Variants in GALNT11 observed in about 807,000 individuals in gnomAD.
GALNT11 encodes UDP-GalNAc:polypeptide N-acetylgalactosaminyltransferase 11.
Under a neutral mutation model 72.7 loss-of-function variants are expected in GALNT11, and 47 were observed. The ratio of observed to expected loss-of-function variants is 0.65; its 90% CI spans 0.51 to 0.82. The LOEUF (loss-of-function observed/expected upper bound fraction) is 0.82, where lower values mean the gene tolerates loss of function less well. GALNT11 is among the 40% of genes least tolerant of loss of function. The pLI is 0.00. For synonymous variants in GALNT11, 270 were observed against 286.6 expected, an observed-to-expected ratio of 0.94 and a Z score of 0.58; for missense variants, 677 against 778.4, an observed-to-expected ratio of 0.87 and a Z score of 1.55.
chr7:152,094,631 G>T lies in GALNT11; in HGVS notation c.295+109G>T, dbSNP rs1027656474. ...AATGCTGCATCATTTTTTCCCCACT[G>T]ATTTATTTTGTTTGTGAACTACCTG... On this transcript the variant is annotated intron_variant, in intron 2 of 11. Transcript: ENST00000430044. This position sits in a 1 kb window ranked among gnomAD's most constrained non-coding sequence, Gnocchi z 4.3. 2 of 1,271,442 alleles carry T rather than the reference G, an allele frequency of 1.6e-6. No individual in the cohort carries two copies. The highest frequency in any genetic ancestry group is 3.0e-5 in the African/African-American group (2 of 66,000). The allele number at this position is 1,271,442 out of a possible 1,614,324, so 78.8% of individuals were successfully genotyped here.
At chr7:152,029,772 A>T (rs1353299931) in intron 1 of GALNT11, among the ~76,000 whole-genome samples, 2 of 152,206 alleles carry the variant, frequency 1.3e-5, no homozygotes, top group Non-Finnish European at 2.9e-5. Flanking sequence ...CCCAGGAGGA[A>T]CCATCTATGG....
chr7:152,043,032 A>C (rs972177592), intron 1 of GALNT11, among the ~76,000 whole-genome samples: 1 of 152,160 alleles, frequency 6.6e-6, no homozygotes, highest in Non-Finnish European at 1.5e-5. Context: ...GATTCACCTA[A>C]TAAGCTGCTT....
intron 1 of GALNT11, among the ~76,000 whole-genome samples, chr7:152,074,716 G>A (rs554891849): frequency 6.6e-6 from 1 of 152,188 alleles, no homozygotes; most frequent in Non-Finnish European, 1.5e-5. Flanking sequence ...AGTGGGTCTG[G>A]GTCTCACATA....
At chr7:152,059,493 G>A (rs2083884801) in intron 1 of GALNT11, among the ~76,000 whole-genome samples, 1 of 152,178 alleles carries the variant, frequency 6.6e-6, no homozygotes, top group Non-Finnish European at 1.5e-5. Context: ...ATCACTGTCT[G>A]TGACAGCTAT....
intron 10 of GALNT11, chr7:152,119,830 T>TGTAC (rs1302628852): frequency 1.3e-5 from 2 of 152,126 alleles, no homozygotes; most frequent in African/African-American, 4.8e-5. Flanking sequence ...AAGCAAAGAT[T>TGTAC]GTACCACTGC....
chr7:152,108,415 A>C (rs1194641761), intron 6 of GALNT11, 128 bp downstream of exon 6: 1 of 1,384,412 alleles, frequency 7.2e-7, no homozygotes, highest in African/African-American at 1.4e-5. Context: ...TACGTTAAAA[A>C]TTCTTGAGTA....
chr7:152,029,467 G>A (rs1563036276), intron 1 of GALNT11, among the ~76,000 whole-genome samples: 1 of 152,160 alleles, frequency 6.6e-6, no homozygotes, highest in Non-Finnish European at 1.5e-5. Flanking sequence ...AAGATTAGAA[G>A]TTAGAATAAT....
Position 152,117,346 on chromosome 7 carries a change from A to G in GALNT11, c.1423A>G (p.Lys475Glu), listed in dbSNP as rs1230128447. ...QQPIFVNRGP[K>E]RPKVLQRGRL... ...ACCCATTTTTGTCAATAGAGGGCCA[A>G]AACGACCCAAAGTCCTTCAACGTGG... Residue 475 changes from lysine (K) to glutamate (E), a missense_variant, in exon 9 of 12, where the codon AAA becomes GAA. By Grantham distance (56) the Lys-to-Glu change is moderately conservative. Coordinates refer to ENST00000430044, the MANE Select transcript of GALNT11 (RefSeq NM_022087.4). The G allele has an allele frequency of 4.3e-6, 7 of 1,614,174 alleles. No individual in the cohort carries two copies. The South Asian group carries it at 7.7e-5, about 18-fold the overall frequency.
At chr7:152,080,829 G>A (rs559704062) in intron 1 of GALNT11, among the ~76,000 whole-genome samples, 1 of 152,052 alleles carries the variant, frequency 6.6e-6, no homozygotes, top group East Asian at 1.9e-4. Context: ...TATTAGCCGG[G>A]CCTGGTGGCG....
chr7:152,047,809 C>T (rs2083214012), intron 1 of GALNT11, among the ~76,000 whole-genome samples: 1 of 151,760 alleles, frequency 6.6e-6, no homozygotes, highest in African/African-American at 2.4e-5. Context: ...AACTCCATTC[C>T]CTGCTTTTAA....
chr7:152,029,899 A>G (rs959334812), intron 1 of GALNT11, among the ~76,000 whole-genome samples: 10 of 152,270 alleles, frequency 6.6e-5, no homozygotes, highest in Non-Finnish European at 1.3e-4. Flanking sequence ...TAGGAAGGCT[A>G]TGGGTTGTCA....
chr7:152,109,460 A>G (rs1201699681), intron 6 of GALNT11, among the ~76,000 whole-genome samples: 1 of 152,186 alleles, frequency 6.6e-6, no homozygotes, highest in Non-Finnish European at 1.5e-5. Context: ...TTGTTTTTAA[A>G]AAGTGTCTTT....
Position 152,080,679 on chromosome 7 carries a change from G to A in GALNT11, c.-38-13511G>A, listed in dbSNP as rs931718046. Among the ~76,000 whole-genome samples the A allele has an allele frequency of 2.8e-4, 43 of 152,114 alleles. 1 individual carries two copies. Among genetic ancestry groups the A allele is most frequent in the Admixed American group, 1.2e-3 (19 of 15,278 alleles). ...CAAAAGCTATTAAAACATTAATTGC[G>A]GGCCAGGTACAGTGGCTCACGCCTG... On this transcript the variant is annotated intron_variant, in intron 1 of 11. Transcript: ENST00000430044.
intron 5 of GALNT11, among the ~76,000 whole-genome samples, chr7:152,106,948 G>C (rs1403856691): frequency 6.6e-6 from 1 of 152,170 alleles, no homozygotes; most frequent in Non-Finnish European, 1.5e-5. Context: ...CATGTGGAAG[G>C]TTCTGCCTTT....
In GALNT11 at chr7:152,041,104, G is replaced by A. The variant is rs114672276; in HGVS notation, c.-39+15220G>A. Among the ~76,000 whole-genome samples, 809 of 152,246 alleles carry A rather than the reference G, an allele frequency of 5.3e-3. 8 individuals are homozygous for A. Among genetic ancestry groups the A allele is most frequent in the African/African-American group, 0.019 (775 of 41,526 alleles). ...AACTGGGAATCCTTGGGATCCTTCC[G>A]GAATCTCTTCCTTGGCATCTGGCTT... On this transcript the variant is annotated intron_variant, in intron 1 of 11. Transcript: ENST00000430044.
At chr7:152,058,134 T>C (rs2083790651) in intron 1 of GALNT11, among the ~76,000 whole-genome samples, 1 of 152,162 alleles carries the variant, frequency 6.6e-6, no homozygotes, top group Non-Finnish European at 1.5e-5. Flanking sequence ...CGTAGTCTTT[T>C]AAGTGTGCAA....
At chr7:152,041,630 C>CT (rs2082866054) in intron 1 of GALNT11, among the ~76,000 whole-genome samples, 1 of 152,164 alleles carries the variant, frequency 6.6e-6, no homozygotes, top group South Asian at 2.1e-4. Flanking sequence ...TCTATTTGAG[C>CT]TTTATGGACT....
chr7:152,043,542 G>A (rs964716630), intron 1 of GALNT11, among the ~76,000 whole-genome samples: 10 of 152,168 alleles, frequency 6.6e-5, no homozygotes, highest in Non-Finnish European at 1.3e-4. Flanking sequence ...GTTTATCTGG[G>A]GGGTGTACTC....
At position 152,054,111 on chromosome 7, in the gene GALNT11, A is replaced by G. The variant is rs201430974; in HGVS notation, c.-39+28227A>G. On this transcript the variant is annotated intron_variant, in intron 1 of 11. Coordinates refer to ENST00000430044, the MANE Select transcript of GALNT11 (RefSeq NM_022087.4). ...TATCTAATCCCATGACTCATTTGCT[A>G]TAGATATTTTTTCTATTTTTGTCCT... Among the ~76,000 whole-genome samples the G allele has an allele frequency of 9.1e-4, 138 of 151,612 alleles. 1 individual carries two copies. In the East Asian group the frequency reaches 9.8e-3, roughly 11 times the overall value.
Sources: gnomAD v4.1 joint callset for allele counts (sites outside exome capture counted in the v4.1 genomes callset) on GRCh38, gnomAD v4.1.1 for gene constraint, Gnocchi (gnomAD v3.1) non-coding constraint, MANE v1.5 for transcripts, NCBI Gene and HGNC (gene_info 2026-07-23, HGNC 2026-07-21) for gene names.